The following DNMT1 variants were observed in gnomAD, a reference collection of about 807,000 sequenced individuals.
DNMT1 encodes DNA (cytosine-5)-methyltransferase 1.
DNMT1 carries 24 observed loss-of-function variants against 205.3 expected under a neutral mutation model. The observed-to-expected ratio is 0.12, with a 90% CI of 0.08 to 0.16. DNMT1 has a LOEUF of 0.16. DNMT1 is among the 10% of genes least tolerant of loss of function. The pLI, the probability that DNMT1 is intolerant of heterozygous loss-of-function variation, is 1.00. For missense variants in DNMT1, 1,293 were observed against 2,177.7 expected, an observed-to-expected ratio of 0.59 and a Z score of 8.09; for synonymous variants, 817 against 839.8, an observed-to-expected ratio of 0.97 and a Z score of 0.47.
chr19:10,173,070 T>C lies in DNMT1; in HGVS notation c.768+20A>G. ...AGGATTAAGGGAGAATTAACAAACTTAGAGGTGATAGAGCTTTACTTTTTC... is the reference window on the plus strand; with the variant it reads ...AGGATTAAGGGAGAATTAACAAACTCAGAGGTGATAGAGCTTTACTTTTTC... On this transcript the variant is annotated intron_variant, in intron 9 of 40. Transcript: ENST00000359526. 2 of 1,613,950 alleles carry C rather than the reference T, an allele frequency of 1.2e-6. No individual in the cohort carries two copies. Among genetic ancestry groups the C allele is most frequent in the Non-Finnish European group, 1.7e-6 (2 of 1,179,844 alleles).
At chr19:10,162,095 G>A (rs969168208) in intron 13 of DNMT1, among the ~76,000 whole-genome samples, 1 of 151,598 alleles carries the variant, frequency 6.6e-6, no homozygotes, top group Non-Finnish European at 1.5e-5. Flanking sequence ...GCCTGCCTTG[G>A]CCTCCCAAAG....
At position 10,149,036 on chromosome 19, in the gene DNMT1, G is replaced by A. The variant is rs199713998; in HGVS notation, c.2587-19C>T. On this transcript the variant is annotated intron_variant, in intron 26 of 40. Transcript: ENST00000359526. ...TGCCTCCCTTGGGAGATAAGAATGC[G>A]TGTCAGGCCAGGCGCAGTGGCTCAT... 2.0e-4 allele frequency: 319 copies of A among 1,613,602 alleles called. No individual in the cohort carries two copies. Among genetic ancestry groups the A allele is most frequent in the Non-Finnish European group, 2.5e-4 (295 of 1,179,930 alleles).
chr19:10,137,369 A>T lies in DNMT1; in HGVS notation c.4294-89T>A. The T allele has an allele frequency of 6.7e-7, 1 of 1,481,524 alleles. No homozygotes were observed. Among genetic ancestry groups the T allele is most frequent in the Non-Finnish European group, 9.1e-7 (1 of 1,096,634 alleles). 91.8% of individuals were successfully genotyped at this position (1,481,524 alleles called of 1,614,324 possible). On this transcript the variant is annotated intron_variant, in intron 36 of 40. Transcript: ENST00000359526. The surrounding 1 kb of genome is among the most constrained non-coding windows in gnomAD (Gnocchi z 6.4). Reference sequence around the variant, plus strand: ...GCTGGGAGCTGGGAACACCATGGTGACCAGGAAGCCCCCTGGGGCTCACGC... The same window carrying T: ...GCTGGGAGCTGGGAACACCATGGTGTCCAGGAAGCCCCCTGGGGCTCACGC...
At chr19:10,145,479 G>A (rs950335209) in intron 28 of DNMT1, among the ~76,000 whole-genome samples, 6 of 141,344 alleles carry the variant, frequency 4.2e-5, no homozygotes, top group African/African-American at 1.5e-4. Flanking sequence ...GGAAAACGTT[G>A]GCTGTAATTC....
In DNMT1 at chr19:10,156,384, T is replaced by C; in HGVS notation, c.1399+7A>G. 6.2e-7 allele frequency: 1 copy of C among 1,601,348 alleles called. No individual in the cohort carries two copies. The highest frequency in any genetic ancestry group is 8.5e-7 in the Non-Finnish European group (1 of 1,169,604). ...TGCCCCAAACATAATCCCGGACTAT[T>C]CCTTACCTTCAAGAGATGGGTCATC... On this transcript the variant is annotated splice_region_variant and intron_variant, in intron 18 of 40. Transcript: ENST00000359526. The surrounding 1 kb of genome is among the most constrained non-coding windows in gnomAD (Gnocchi z 4.2).
At chr19:10,187,145 TAGTTAACAAACACCAAAGC>T (rs2145400299) in intron 1 of DNMT1, among the ~76,000 whole-genome samples, 2 of 151,724 alleles carry the variant, frequency 1.3e-5, no homozygotes, top group East Asian at 3.9e-4. Flanking sequence ...TCTTGTTCCA[TAGTTAACAAACACCAAAGC>T]AGTCAAGGGG....
chr19:10,175,126 CACAT>C (rs750395504), intron 7 of DNMT1, among the ~76,000 whole-genome samples: 6,269 of 105,840 alleles, frequency 0.059, 171 homozygotes, highest in African/African-American at 0.1. Context: ...CACACACACA[CACAT>C]ATATATAACA....
chr19:10,135,879 G>A, intron 38 of DNMT1, 27 bp from the exon 39 acceptor site: 1 of 1,540,362 alleles, frequency 6.5e-7, no homozygotes, highest in Non-Finnish European at 8.7e-7. Flanking sequence ...CGGTGGGCGA[G>A]GGCAGTAGCA....
Position 10,156,294 on chromosome 19 carries a change from G to T in DNMT1, c.1399+97C>A. On this transcript the variant is annotated intron_variant, in intron 18 of 40. Coordinates refer to ENST00000359526, the MANE Select transcript of DNMT1 (RefSeq NM_001130823.3). The surrounding 1 kb of genome is among the most constrained non-coding windows in gnomAD (Gnocchi z 4.2). Reference sequence around the variant, plus strand: ...ACTCCCGGGCTCAAGTGATCCTCTGGCCTCAGACCCCCAAAGTGCTAGGAT... The same window carrying T: ...ACTCCCGGGCTCAAGTGATCCTCTGTCCTCAGACCCCCAAAGTGCTAGGAT... 1.0e-6 allele frequency: 1 copy of T among 967,166 alleles called. No individual in the cohort carries two copies. The highest frequency in any genetic ancestry group is 1.7e-6 in the Non-Finnish European group (1 of 602,998). 59.9% of individuals were successfully genotyped at this position (967,166 alleles called of 1,614,324 possible). A position where few individuals can be genotyped will look rare whatever the true frequency, so the allele number is the denominator to read the frequency against.
At chr19:10,149,391 C>T (rs2038286434) in intron 26 of DNMT1, 62 bp downstream of exon 26, 11 of 1,544,636 alleles carry the variant, frequency 7.1e-6, no homozygotes, top group East Asian at 6.7e-5. Flanking sequence ...CAAAACAGAA[C>T]GCACGTCAGC....
At position 10,151,590 on chromosome 19, in the gene DNMT1, A is replaced by T; in HGVS notation, c.2118-45T>A. ...ACCTAAGGCCCCTTTTCTAAGTAAG[A>T]CCAACCGGGGCTGTTTTCTTCATAA... is the stretch of plus-strand genomic sequence containing the variant. On this transcript the variant is annotated intron_variant, in intron 23 of 40. Transcript: ENST00000359526. The surrounding 1 kb of genome is among the most constrained non-coding windows in gnomAD (Gnocchi z 5.0). 6.2e-7 allele frequency: 1 copy of T among 1,612,292 alleles called. No individual in the cohort carries two copies. Among genetic ancestry groups the T allele is most frequent in the South Asian group, 1.1e-5 (1 of 91,078 alleles).
Position 10,151,250 on chromosome 19 carries a change from G to T in DNMT1, c.2265+148C>A. The T allele has an allele frequency of 8.3e-7, 1 of 1,206,764 alleles. No homozygotes were observed. Among genetic ancestry groups the T allele is most frequent in the Non-Finnish European group, 1.2e-6 (1 of 828,666 alleles). 74.8% of individuals were successfully genotyped at this position (1,206,764 alleles called of 1,614,324 possible). A position where few individuals can be genotyped will look rare whatever the true frequency, so the allele number is the denominator to read the frequency against. ...CTGAGCCATGGAACATGGTCTCTTG[G>T]CCAGTCCCGCTCTTCTCAGGGGCAA... On this transcript the variant is annotated intron_variant, in intron 24 of 40. Transcript: ENST00000359526. This position sits in a 1 kb window ranked among gnomAD's most constrained non-coding sequence, Gnocchi z 5.0.
At chr19:10,147,912 G>A (rs912086483) in intron 27 of DNMT1, among the ~76,000 whole-genome samples, 16 of 151,194 alleles carry the variant, frequency 1.1e-4, no homozygotes, top group Non-Finnish European at 1.3e-4. Context: ...TCGGGAGTTC[G>A]AGACCAGCCT....
intron 14 of DNMT1, 144 bp downstream of exon 14, chr19:10,160,240 G>T: frequency 6.7e-7 from 1 of 1,503,432 alleles, no homozygotes; most frequent in Non-Finnish European, 9.1e-7. Flanking sequence ...CCTGCCTGAC[G>T]CACCTTGGTC....
intron 27 of DNMT1, 100 bp downstream of exon 27, chr19:10,148,784 G>A: frequency 6.3e-7 from 1 of 1,599,766 alleles, no homozygotes; most frequent in South Asian, 1.1e-5. Context: ...CACAAACTGG[G>A]GGGCCGTTGG....
intron 11 of DNMT1, 61 bp downstream of exon 11, chr19:10,166,537 G>T: frequency 6.2e-7 from 1 of 1,604,490 alleles, no homozygotes; most frequent in Non-Finnish European, 8.5e-7. Flanking sequence ...GCGCACTCCC[G>T]CCCAAGCAAA....
intron 1 of DNMT1, among the ~76,000 whole-genome samples, 163 bp from the exon 2 acceptor site, chr19:10,182,240 T>C (rs1042849891): frequency 5.3e-5 from 8 of 151,936 alleles, no homozygotes; most frequent in Admixed American, 2.6e-4. Context: ...GAGTCTAGAG[T>C]GTCCTACTGG....
intron 26 of DNMT1, 152 bp from the exon 27 acceptor site, chr19:10,149,169 C>T (rs963835764): frequency 2.5e-6 from 3 of 1,183,486 alleles, no homozygotes; most frequent in Non-Finnish European, 3.6e-6. Context: ...ACTAAAAATA[C>T]AAAAAATTAG....
chr19:10,168,299 C>G, intron 10 of DNMT1, 31 bp downstream of exon 10: 1 of 1,613,872 alleles, frequency 6.2e-7, no homozygotes, highest in South Asian at 1.1e-5. Flanking sequence ...AGTTTCACAA[C>G]AAAGCACAAA....
Sources: gnomAD v4.1 joint callset for allele counts (sites outside exome capture counted in the v4.1 genomes callset) on GRCh38, gnomAD v4.1.1 for gene constraint, Gnocchi (gnomAD v3.1) non-coding constraint, MANE v1.5 for transcripts, NCBI Gene and HGNC (gene_info 2026-07-23, HGNC 2026-07-21) for gene names.